Variants in SLC9C1 observed in about 807,000 individuals in gnomAD.
The protein encoded by SLC9C1 is solute carrier family 9 member C1.
In SLC9C1, 97 loss-of-function variants were observed where a neutral mutation model predicts 140.9. That is an observed-to-expected ratio of 0.69 (90% CI 0.58 to 0.82). The LOEUF (loss-of-function observed/expected upper bound fraction) is 0.82. SLC9C1 is among the 40% of genes least tolerant of loss of function. The pLI is 0.00. For synonymous variants in SLC9C1, 440 were observed against 442.6 expected (o/e 0.99, Z 0.07); for missense variants, 1,340 against 1,389.3 (o/e 0.96, Z 0.56).
chr3:112,292,595 G>C (rs1042871907), intron 1 of SLC9C1, among the ~76,000 whole-genome samples: 4 of 152,116 alleles, frequency 2.6e-5, no homozygotes, highest in East Asian at 1.9e-4. Flanking sequence ...CCAGGCTGGA[G>C]TGCAGTGGTG....
intron 27 of SLC9C1, 109 bp from the exon 28 acceptor site, chr3:112,152,072 A>G: frequency 2.6e-6 from 2 of 778,920 alleles, no homozygotes; most frequent in Middle Eastern, 3.9e-4. Flanking sequence ...AGAGACTGAG[A>G]AAAGAAATAA....
At chr3:112,268,724 G>A (rs755716789) in intron 7 of SLC9C1, among the ~76,000 whole-genome samples, 4 of 152,230 alleles carry the variant, frequency 2.6e-5, no homozygotes, top group East Asian at 1.9e-4. Flanking sequence ...ATGTATAAAT[G>A]TTCCCCCTTA....
At chr3:112,157,763 A>ATT (rs56091442) in intron 26 of SLC9C1, among the ~76,000 whole-genome samples, 77 of 149,036 alleles carry the variant, frequency 5.2e-4, no homozygotes, top group East Asian at 7.8e-4. Flanking sequence ...ATTCCTAGGT[A>ATT]TTTTTTTTTT....
rs548714040 is a variant in SLC9C1 at position 112,190,163 on chromosome 3, A to G, written c.2524-7905T>C. On this transcript the variant is annotated intron_variant, in intron 20 of 28. Transcript: ENST00000305815. ...GACGATGGGGTTTTCTAGATATACAATCATGTCATCTGCAAACAGGGAAAA... is the reference window on the plus strand; with the variant it reads ...GACGATGGGGTTTTCTAGATATACAGTCATGTCATCTGCAAACAGGGAAAA... Among the ~76,000 whole-genome samples, 51 of 152,338 alleles carry G rather than the reference A, an allele frequency of 3.3e-4. 1 individual carries two copies. Among genetic ancestry groups the G allele is most frequent in the Admixed American group, 6.5e-4 (10 of 15,300 alleles).
intron 13 of SLC9C1, among the ~76,000 whole-genome samples, chr3:112,228,262 T>C (rs908245275): frequency 5.3e-5 from 8 of 152,204 alleles, no homozygotes; most frequent in Non-Finnish European, 1.2e-4. Flanking sequence ...TATAGCCAAC[T>C]GATTTTCGAC....
At chr3:112,218,803 T>C (rs1053866781) in intron 14 of SLC9C1, among the ~76,000 whole-genome samples, 3 of 152,170 alleles carry the variant, frequency 2.0e-5, no homozygotes. Flanking sequence ...TATCTATGTG[T>C]GACACTTTGC....
chr3:112,179,976 A>T (rs1403316071), intron 22 of SLC9C1, among the ~76,000 whole-genome samples: 1 of 152,198 alleles, frequency 6.6e-6, no homozygotes, highest in Non-Finnish European at 1.5e-5. Context: ...TCAGCATAAG[A>T]TGAATAACAA....
intron 28 of SLC9C1, chr3:112,147,656 A>G (rs1270874611): frequency 4.0e-6 from 1 of 246,954 alleles, no homozygotes; most frequent in Non-Finnish European, 8.2e-6. Context: ...ATCTGCTGTT[A>G]GCCTCATGGA....
intron 20 of SLC9C1, among the ~76,000 whole-genome samples, chr3:112,192,062 C>T (rs2077673205): frequency 8.4e-6 from 1 of 118,704 alleles, no homozygotes. Flanking sequence ...CTGTTTTTTT[C>T]CATTTTTTTT....
At chr3:112,275,070 CA>C in intron 5 of SLC9C1, 45 bp from the exon 6 acceptor site, 2 of 1,505,058 alleles carry the variant, frequency 1.3e-6, no homozygotes, top group Non-Finnish European at 1.8e-6. Context: ...GTGAGAAAAA[CA>C]TTAAAAATTA....
chr3:112,181,594 A>G (rs774526097), intron 21 of SLC9C1, among the ~76,000 whole-genome samples: 7 of 152,198 alleles, frequency 4.6e-5, no homozygotes, highest in Admixed American at 6.5e-5. Context: ...GGGAGACCTA[A>G]AGATAATTGT....
chr3:112,290,581 G>A (rs542727180), intron 1 of SLC9C1, among the ~76,000 whole-genome samples: 2 of 152,104 alleles, frequency 1.3e-5, no homozygotes, highest in Non-Finnish European at 2.9e-5. Flanking sequence ...ATTTGAGCCT[G>A]CTGAGTTTAG....
Position 112,254,646 on chromosome 3 carries a change from A to G in SLC9C1, c.1197+8278T>C, listed in dbSNP as rs180907286. Among the ~76,000 whole-genome samples the G allele has an allele frequency of 1.0e-3, 152 of 152,286 alleles. 3 individuals are homozygous for G. The East Asian group carries it at 0.013, about 13-fold the overall frequency. Reference sequence around the variant, plus strand: ...ACAGCCAACACAAAAACACACATAAATACATAGACTAGTGACACAATAAAG... The same window carrying G: ...ACAGCCAACACAAAAACACACATAAGTACATAGACTAGTGACACAATAAAG... On this transcript the variant is annotated intron_variant, in intron 10 of 28. Transcript: ENST00000305815.
At chr3:112,255,772 C>G (rs1373796997) in intron 10 of SLC9C1, among the ~76,000 whole-genome samples, 2 of 151,994 alleles carry the variant, frequency 1.3e-5, no homozygotes, top group Non-Finnish European at 2.9e-5. Context: ...AAAAATCATT[C>G]AAAAGATCAA....
chr3:112,206,243 A>G, intron 16 of SLC9C1, among the ~76,000 whole-genome samples: 1 of 151,944 alleles, frequency 6.6e-6, no homozygotes, highest in Non-Finnish European at 1.5e-5. Flanking sequence ...TAGATGCATG[A>G]AAAAATGCTC....
Position 112,199,408 on chromosome 3 carries a change from A to G in SLC9C1, c.2436T>C (p.Asn812=), listed in dbSNP as rs749437180. ...TTTCTGTAGCCATATTGAGCATAAC[A>G]TTAATTTCTTCCTTTGTTTTCACAG... is the stretch of plus-strand genomic sequence containing the variant. The part of the protein sequence containing the change: ...AVTVKTKEEI[N]VMLNMATEIL... The change falls in exon 20 of 29, where the codon AAT becomes AAC. Residue 812 remains asparagine (N), a synonymous_variant. Coordinates refer to ENST00000305815, the MANE Select transcript of SLC9C1 (RefSeq NM_183061.3). 6.2e-7 allele frequency: 1 copy of G among 1,601,482 alleles called. No homozygotes were observed. The highest frequency in any genetic ancestry group is 8.5e-7 in the Non-Finnish European group (1 of 1,174,406).
intron 21 of SLC9C1, 27 bp from the exon 22 acceptor site, chr3:112,180,689 CT>C (rs756747668): frequency 2.5e-5 from 38 of 1,529,574 alleles, no homozygotes; most frequent in Non-Finnish European, 3.4e-5. Flanking sequence ...AATACATAAA[CT>C]ATAAACAACA....
chr3:112,179,651 C>T lies in SLC9C1; in HGVS notation c.2799G>A (p.Lys933=). ...TGTCAATTATCGGAAAATCTTTCTC[C>T]TTTGACTCCACCATTTGATCAATCC... The part of the protein sequence containing the change: ...GLGIDQMVES[K]EKDFPIIDTD... The change falls in exon 23 of 29, where the codon AAG becomes AAA. Residue 933 remains lysine (K), a synonymous_variant. Transcript: ENST00000305815. The T allele has an allele frequency of 1.2e-6, 2 of 1,611,292 alleles. No homozygotes were observed. The highest frequency in any genetic ancestry group is 8.5e-7 in the Non-Finnish European group (1 of 1,178,946).
chr3:112,247,121 T>TA (rs1308226300), intron 10 of SLC9C1, among the ~76,000 whole-genome samples: 1 of 152,158 alleles, frequency 6.6e-6, no homozygotes, highest in Non-Finnish European at 1.5e-5. Context: ...AAAAGGAGAA[T>TA]AATAAATATT....
Sources: gnomAD v4.1 joint callset for allele counts (sites outside exome capture counted in the v4.1 genomes callset) on GRCh38, gnomAD v4.1.1 for gene constraint, MANE v1.5 for transcripts, NCBI Gene and HGNC (gene_info 2026-07-23, HGNC 2026-07-21) for gene names.